Variants in PRKDC observed in about 807,000 individuals in gnomAD.
PRKDC encodes the protein DNA-dependent protein kinase catalytic subunit.
PRKDC carries 82 observed loss-of-function variants against 486.9 expected under a neutral mutation model. That is an observed-to-expected ratio of 0.17 (90% CI 0.14 to 0.20). PRKDC has a LOEUF of 0.20. PRKDC is among the 10% of genes least tolerant of loss of function. The probability of loss-of-function intolerance (pLI) is 1.00; values close to 1 mark genes in which losing one functional copy is unlikely to be tolerated. For synonymous variants in PRKDC, 1,895 were observed against 1,837.0 expected (o/e 1.03, Z -0.81); for missense variants, 4,504 against 5,038.2 (o/e 0.89, Z 3.21).
intron 54 of PRKDC, among the ~76,000 whole-genome samples, chr8:47,847,004 G>T (rs2088281646): frequency 6.6e-6 from 1 of 152,144 alleles, no homozygotes; most frequent in Admixed American, 6.5e-5. Context: ...AGAAATCAGA[G>T]ATGATACAAA....
intron 48 of PRKDC, 78 bp from the exon 49 acceptor site, chr8:47,857,377 A>G: frequency 6.9e-7 from 1 of 1,438,874 alleles, no homozygotes; most frequent in Non-Finnish European, 9.3e-7. Flanking sequence ...TGTATCTTCC[A>G]TCAGCTAAAA....
intron 31 of PRKDC, among the ~76,000 whole-genome samples, chr8:47,890,710 G>A (rs2089439341): frequency 6.6e-6 from 1 of 152,116 alleles, no homozygotes; most frequent in African/African-American, 2.4e-5. Flanking sequence ...CATTACATGT[G>A]AGAAGATAAA....
At chr8:47,823,545 T>A (rs531737115) in intron 64 of PRKDC, among the ~76,000 whole-genome samples, 1 of 152,168 alleles carries the variant, frequency 6.6e-6, no homozygotes, top group East Asian at 1.9e-4. Context: ...TGTCAGGTAT[T>A]TCTCTACAGA....
At chr8:47,853,334 T>C (rs1415669444) in intron 51 of PRKDC, among the ~76,000 whole-genome samples, 1 of 152,194 alleles carries the variant, frequency 6.6e-6, no homozygotes, top group Non-Finnish European at 1.5e-5. Context: ...GCCTCAGCCC[T>C]GAGGTCATGT....
At chr8:47,903,820 G>A (rs922508827) in intron 26 of PRKDC, among the ~76,000 whole-genome samples, 1 of 152,172 alleles carries the variant, frequency 6.6e-6, no homozygotes, top group Non-Finnish European at 1.5e-5. Context: ...GAAAACATCT[G>A]AATGTAAATA....
At chr8:47,849,094 T>G (rs2088342462) in intron 54 of PRKDC, 60 bp downstream of exon 54, 7 of 1,572,138 alleles carry the variant, frequency 4.5e-6, no homozygotes, top group African/African-American at 1.4e-5. Context: ...TGGAGACGTC[T>G]TAATAAATTA....
chr8:47,858,630 T>C lies in PRKDC; in HGVS notation c.6351A>G (p.Ser2117=). The C allele has an allele frequency of 6.6e-7, 1 of 1,519,636 alleles. No homozygotes were observed. The highest frequency in any genetic ancestry group is 8.8e-7 in the Non-Finnish European group (1 of 1,134,254). The allele number at this position is 1,519,636 out of a possible 1,614,324, so 94.1% of individuals were successfully genotyped here. Reference sequence around the variant, plus strand: ...TCCAAGAAGGAAGATCTCTTGGCACTGAATCCTAAAATAAAACATTCAAAA... The same window carrying C: ...TCCAAGAAGGAAGATCTCTTGGCACCGAATCCTAAAATAAAACATTCAAAA... ...SLGPPQGEED[S]VPRDLPSWMK... Residue 2117 remains serine (S), a synonymous_variant, in exon 48 of 86, where the codon TCA becomes TCG. Transcript: ENST00000314191.
chr8:47,808,054 T>C (rs913685832), intron 68 of PRKDC, among the ~76,000 whole-genome samples: 1 of 152,224 alleles, frequency 6.6e-6, no homozygotes. Context: ...ATGGGTAACA[T>C]ACCCTGTGTT....
chr8:47,881,774 A>G, intron 37 of PRKDC, 138 bp downstream of exon 37: 1 of 779,684 alleles, frequency 1.3e-6, no homozygotes, highest in Non-Finnish European at 1.9e-6. Flanking sequence ...AAAGGTAAAT[A>G]TAAGCAACCA....
intron 7 of PRKDC, 108 bp from the exon 8 acceptor site, chr8:47,944,137 C>G: frequency 2.2e-6 from 2 of 907,480 alleles, no homozygotes; most frequent in Non-Finnish European, 3.4e-6. Flanking sequence ...CTTGTGAATT[C>G]AGGAGAAACA....
At chr8:47,802,792 A>G (rs921763125) in intron 70 of PRKDC, among the ~76,000 whole-genome samples, 1 of 151,964 alleles carries the variant, frequency 6.6e-6, no homozygotes, top group African/African-American at 2.4e-5. Flanking sequence ...AGCTGGGACT[A>G]CAGGCGCCCA....
chr8:47,959,767 C>T (rs1164560881), intron 1 of PRKDC, among the ~76,000 whole-genome samples: 4 of 152,264 alleles, frequency 2.6e-5, no homozygotes, highest in African/African-American at 7.2e-5. Context: ...CCAACTTTGG[C>T]TTTAAAATAT....
At chr8:47,822,320 C>G (rs1589720946) in intron 64 of PRKDC, among the ~76,000 whole-genome samples, 1 of 150,152 alleles carries the variant, frequency 6.7e-6, no homozygotes, top group South Asian at 2.1e-4. Flanking sequence ...AAAATCCTAA[C>G]TAGGAGGAAG....
intron 58 of PRKDC, among the ~76,000 whole-genome samples, chr8:47,834,933 G>C (rs1357968788): frequency 6.6e-6 from 1 of 151,826 alleles, no homozygotes; most frequent in African/African-American, 2.4e-5. Flanking sequence ...CTCGTGATCC[G>C]CCCGCCTCGG....
rs1297258036 is a variant in PRKDC, at chr8:47,773,728, C to G, written c.*445G>C. 1 of 229,838 alleles carries G rather than the reference C, an allele frequency of 4.4e-6. No individual in the cohort carries two copies. The highest frequency in any genetic ancestry group is 6.3e-5 in the East Asian group (1 of 15,906). 14.2% of individuals were successfully genotyped at this position (229,838 alleles called of 1,614,324 possible). ...TGCTGCTTCTACAATGTTACATCAA[C>G]TATACTTAGCTTTACTCTCCCAAAA... On this transcript the variant is annotated 3_prime_UTR_variant, in exon 86 of 86. Transcript: ENST00000314191.
In PRKDC at chr8:47,902,606, C is replaced by T; in HGVS notation, c.3232G>A (p.Ala1078Thr). The T allele has an allele frequency of 1.9e-6, 3 of 1,605,172 alleles. No individual in the cohort carries two copies. The highest frequency in any genetic ancestry group is 2.6e-6 in the Non-Finnish European group (3 of 1,176,132). The stretch of plus-strand genomic sequence containing the variant: ...TAGATATTATTAAAGGCAAGTGATG[C>T]TCCCAGCCTCTTGAAAGCATTGGGG... ...LHPNAFKRLG[A>T]SLAFNNIYRE... is the part of the protein sequence containing the mutation. Residue 1078 changes from alanine (A) to threonine (T), a missense_variant, in exon 27 of 86, where the codon GCA (alanine) becomes ACA (threonine). Ala to Thr is a moderately conservative substitution (Grantham distance 58). Transcript: ENST00000314191.
chr8:47,933,236 G>C (rs2090288034), intron 15 of PRKDC, 64 bp from the exon 16 acceptor site: 3 of 1,293,758 alleles, frequency 2.3e-6, no homozygotes, highest in Non-Finnish European at 3.1e-6. Flanking sequence ...TATTTTATAA[G>C]CATTAAGACA....
At chr8:47,874,664 C>T (rs747575774) in intron 40 of PRKDC, among the ~76,000 whole-genome samples, 1 of 152,004 alleles carries the variant, frequency 6.6e-6, no homozygotes, top group Non-Finnish European at 1.5e-5. Flanking sequence ...CAGGCTGAGG[C>T]ACAAGAATCA....
In PRKDC at chr8:47,904,942, TG is replaced by T; in HGVS notation, c.2968del (p.Gln990SerfsTer2). On this transcript the variant is annotated frameshift_variant, in exon 26 of 86. Transcript: ENST00000314191. LOFTEE classifies it high-confidence loss of function. The part of the protein sequence containing the change: ...TRQLYEPLVM[Q>X]LIHWFTNNKK... ...GTTGTTAGTGAACCAGTGAATCAGC[TG>T]CATAACTAGTGGCTCATACAGTTGC... 6.2e-7 allele frequency: 1 copy of T among 1,613,774 alleles called. No individual in the cohort carries two copies. The highest frequency in any genetic ancestry group is 8.5e-7 in the Non-Finnish European group (1 of 1,179,750).
Sources: gnomAD v4.1 joint callset for allele counts (sites outside exome capture counted in the v4.1 genomes callset) on GRCh38, gnomAD v4.1.1 for gene constraint, MANE v1.5 for transcripts, NCBI Gene and HGNC (gene_info 2026-07-23, HGNC 2026-07-21) for gene names.